The following TOR4A variants were observed in gnomAD, a reference collection of about 807,000 sequenced individuals.
TOR4A encodes the protein torsin-4A.
A neutral mutation model predicts 11.5 loss-of-function variants in TOR4A; 12 were observed. That is an observed-to-expected ratio of 1.04 (90% CI 0.67 to 1.69). TOR4A has a LOEUF of 1.69. TOR4A is among the 40% of genes most tolerant of loss of function. The pLI, the probability that TOR4A is intolerant of heterozygous loss-of-function variation, is 0.00. For synonymous variants in TOR4A, 362 were observed against 307.4 expected (o/e 1.18, Z -1.86); for missense variants, 640 against 643.2 (o/e 0.99, Z 0.05).
In TOR4A at chr9:137,279,568, C is replaced by T. The variant is rs1232916815; in HGVS notation, c.879C>T (p.Asn293=). The part of the protein sequence containing the change: ...LQPQRSHHFH[N]AIYVLLSGAG... ...CGCAGCGCTCCCACCACTTCCACAA[C>T]GCCATCTACGTGCTCCTCAGTGGCG... Residue 293 remains asparagine, a synonymous_variant, in exon 2 of 2, where the codon AAC becomes AAT. Transcript: ENST00000357503. 2 of 1,581,676 alleles carry T rather than the reference C, an allele frequency of 1.3e-6. No individual in the cohort carries two copies. The highest frequency in any genetic ancestry group is 8.6e-7 in the Non-Finnish European group (1 of 1,167,484).
rs764519206 is a variant in TOR4A, at chr9:137,279,710, C to T, written c.1021C>T (p.Arg341Cys). Reference protein sequence around the residue: ...AAAAQAEEDLRASLLAVLSRE... With the variant: ...AAAAQAEEDLCASLLAVLSRE... ...AGCGGCGCAGGCGGAAGAAGACCTG[C>T]GCGCCAGCCTGCTGGCTGTGCTGTC... is the stretch of plus-strand genomic sequence containing the variant. The change falls in exon 2 of 2, where the codon CGC becomes TGC. Residue 341 changes from arginine to cysteine, a missense_variant. Coordinates refer to ENST00000357503, the MANE Select transcript of TOR4A (RefSeq NM_017723.3). The T allele has an allele frequency of 3.8e-6, 6 of 1,573,378 alleles. No individual in the cohort carries two copies. Among genetic ancestry groups the T allele is most frequent in the Non-Finnish European group, 4.3e-6 (5 of 1,166,244 alleles).
chr9:137,279,264 T>C lies in TOR4A; in HGVS notation c.575T>C (p.Leu192Pro), dbSNP rs906170854. ...CACAGTCGTCCGCTCCTCCTGGCGC[T>C]GCACGGGCCCAGTGGCGTGGGCAAG... is the stretch of plus-strand genomic sequence containing the variant. ...HVHSRPLLLA[L>P]HGPSGVGKSH... Residue 192 changes from leucine to proline, a missense_variant, in exon 2 of 2, where the codon CTG becomes CCG. Transcript: ENST00000357503. 2.6e-6 allele frequency: 4 copies of C among 1,535,180 alleles called. No individual in the cohort carries two copies. In the African/African-American group the frequency reaches 5.5e-5, roughly 21 times the overall value.
rs1830721347 is a variant in TOR4A at position 137,281,700 on chromosome 9, G to A, written c.*1739G>A. The A allele has an allele frequency of 1.3e-5, 2 of 159,038 alleles. No individual in the cohort carries two copies. Among genetic ancestry groups the A allele is most frequent in the Admixed American group, 1.3e-4 (2 of 15,284 alleles). The allele number at this position is 159,038 out of a possible 1,614,324, so 9.9% of individuals were successfully genotyped here. On this transcript the variant is annotated 3_prime_UTR_variant, in exon 2 of 2. Transcript: ENST00000357503. ...GACTCCCGCTGCTCCTGGAGTCTTG[G>A]GGAGGGGTCCGGCTCCACGGGGTGG... is the stretch of plus-strand genomic sequence containing the variant.
rs1169082148 is a variant in TOR4A, at chr9:137,280,010, G to C, written c.*49G>C. 22 of 1,507,666 alleles carry C rather than the reference G, an allele frequency of 1.5e-5. No individual in the cohort carries two copies. The highest frequency in any genetic ancestry group is 3.5e-4 in the Middle Eastern group (2 of 5,766). 93.4% of individuals were successfully genotyped at this position (1,507,666 alleles called of 1,614,324 possible). Reference sequence around the variant, plus strand: ...GGGTTGATGGCGGCAGTAGGAGGGCGACCAGGGACCTTGTGGGCTGGTGCA... The same window carrying C: ...GGGTTGATGGCGGCAGTAGGAGGGCCACCAGGGACCTTGTGGGCTGGTGCA... On this transcript the variant is annotated 3_prime_UTR_variant, in exon 2 of 2. Coordinates refer to ENST00000357503, the MANE Select transcript of TOR4A (RefSeq NM_017723.3).
Position 137,281,103 on chromosome 9 carries a change from C to G in TOR4A, c.*1142C>G, listed in dbSNP as rs1588195983. On this transcript the variant is annotated 3_prime_UTR_variant, in exon 2 of 2. Coordinates refer to ENST00000357503, the MANE Select transcript of TOR4A (RefSeq NM_017723.3). ...CGGCTGGGCCCTGAGTCCCCCAGGC[C>G]GCCCCGATCCTCTGTCCCCGCCGCC... 1 of 161,040 alleles carries G rather than the reference C, an allele frequency of 6.2e-6. No individual in the cohort carries two copies. Among genetic ancestry groups the G allele is most frequent in the East Asian group, 1.9e-4 (1 of 5,172 alleles). 10.0% of individuals were successfully genotyped at this position (161,040 alleles called of 1,614,324 possible). A position where few individuals can be genotyped will look rare whatever the true frequency, so the allele number is the denominator to read the frequency against.
Position 137,280,274 on chromosome 9 carries a change from A to C in TOR4A, c.*313A>C. On this transcript the variant is annotated 3_prime_UTR_variant, in exon 2 of 2. Coordinates refer to ENST00000357503, the MANE Select transcript of TOR4A (RefSeq NM_017723.3). ...GTTCCCATGGTACAAGGATGATCTCAGGGCCAACAATTCCCGGGGTCACAC... is the reference window on the plus strand; with the variant it reads ...GTTCCCATGGTACAAGGATGATCTCCGGGCCAACAATTCCCGGGGTCACAC... 1.2e-5 allele frequency: 5 copies of C among 429,958 alleles called. No homozygotes were observed. The highest frequency in any genetic ancestry group is 6.3e-4 in the Middle Eastern group (1 of 1,592). The allele number at this position is 429,958 out of a possible 1,614,324, so 26.6% of individuals were successfully genotyped here.
intron 1 of TOR4A, 69 bp from the exon 2 acceptor site, chr9:137,278,584 C>G (rs1753394207): frequency 9.1e-7 from 1 of 1,099,220 alleles, no homozygotes; most frequent in Non-Finnish European, 1.1e-6. Flanking sequence ...CTCCGGGGAC[C>G]GGTTCCGGCG....
chr9:137,279,132 A>C lies in TOR4A; in HGVS notation c.443A>C (p.Tyr148Ser). The C allele has an allele frequency of 3.2e-6, 5 of 1,585,558 alleles. No individual in the cohort carries two copies. Among genetic ancestry groups the C allele is most frequent in the Non-Finnish European group, 4.3e-6 (5 of 1,166,362 alleles). Residue 148 changes from tyrosine (Y) to serine (S), a missense_variant, in exon 2 of 2, where the codon TAT becomes TCT. Coordinates refer to ENST00000357503, the MANE Select transcript of TOR4A (RefSeq NM_017723.3). ...AACCTGGACGATAACGCGCAGCGCT[A>C]TGACCTCGACGGGCTGGAGAAAGCG... The part of the protein sequence containing the change: ...IENLDDNAQR[Y>S]DLDGLEKALQ...
intron 1 of TOR4A, among the ~76,000 whole-genome samples, chr9:137,278,289 G>A (rs1047968091): frequency 7.2e-5 from 11 of 152,168 alleles, no homozygotes; most frequent in African/African-American, 2.7e-4. Context: ...AGGGTCCGGG[G>A]GTGACTGTTC....
rs144345078 is a variant in TOR4A at position 137,280,405 on chromosome 9, C to A, written c.*444C>A. 2.4e-3 allele frequency: 443 copies of A among 184,158 alleles called. 2 individuals carry two copies. The highest frequency in any genetic ancestry group is 9.8e-3 in the African/African-American group (413 of 42,126). The allele number at this position is 184,158 out of a possible 1,614,324, so 11.4% of individuals were successfully genotyped here. A position where few individuals can be genotyped will look rare whatever the true frequency, so the allele number is the denominator to read the frequency against. ...GAGATGACCCCGGAGGAGGCCACAG[C>A]CAACCATGACAGTGCTGGGGCTCTG... On this transcript the variant is annotated 3_prime_UTR_variant, in exon 2 of 2. Transcript: ENST00000357503.
Position 137,279,636 on chromosome 9 carries a change from C to G in TOR4A, c.947C>G (p.Ser316Cys), listed in dbSNP as rs758919820. The G allele has an allele frequency of 1.3e-6, 2 of 1,560,436 alleles. No individual in the cohort carries two copies. The highest frequency in any genetic ancestry group is 1.7e-6 in the Non-Finnish European group (2 of 1,158,194). ...EVTRFVLQNA[S>C]RALPLRPDGF... ...ACGCGCTTCGTGCTGCAGAACGCGT[C>G]CCGCGCGCTGCCCCTGCGCCCCGAC... is the stretch of plus-strand genomic sequence containing the variant. The change falls in exon 2 of 2, where the codon TCC becomes TGC. Residue 316 changes from serine (S) to cysteine (C), a missense_variant. Physicochemically the swap from Ser to Cys is moderately radical, Grantham distance 112. Coordinates refer to ENST00000357503, the MANE Select transcript of TOR4A (RefSeq NM_017723.3).
rs1051708107 is a variant in TOR4A, at chr9:137,280,454, C to G, written c.*493C>G. On this transcript the variant is annotated 3_prime_UTR_variant, in exon 2 of 2. Transcript: ENST00000357503. ...TGGCTGCCTTCTCCACCCACCCCAC[C>G]CCTCACTCAGGTCGTGTTTTCAGGA... is the stretch of plus-strand genomic sequence containing the variant. 5.8e-6 allele frequency: 1 copy of G among 171,448 alleles called. No individual in the cohort carries two copies. Among genetic ancestry groups the G allele is most frequent in the African/African-American group, 2.4e-5 (1 of 41,570 alleles). 10.6% of individuals were successfully genotyped at this position (171,448 alleles called of 1,614,324 possible). A position where few individuals can be genotyped will look rare whatever the true frequency, so the allele number is the denominator to read the frequency against.
Position 137,279,364 on chromosome 9 carries a change from T to G in TOR4A, c.675T>G (p.His225Gln), listed in dbSNP as rs1416239890. Residue 225 changes from histidine to glutamine, a missense_variant, in exon 2 of 2, where the codon CAT (histidine) becomes CAG (glutamine). Transcript: ENST00000357503. ...ACAGCGCGCTCGTGCTGCAATACCA[T>G]GCGCGGCACCACTGCCCCGAGGCGC... ...LEDSALVLQY[H>Q]ARHHCPEARA... The G allele has an allele frequency of 5.2e-6, 8 of 1,526,524 alleles. No homozygotes were observed. Among genetic ancestry groups the G allele is most frequent in the Non-Finnish European group, 7.0e-6 (8 of 1,139,624 alleles). The allele number at this position is 1,526,524 out of a possible 1,614,324, so 94.6% of individuals were successfully genotyped here.
At position 137,279,883 on chromosome 9, in the gene TOR4A, C is replaced by T. The variant is rs1830695240; in HGVS notation, c.1194C>T (p.Leu398=). The T allele has an allele frequency of 1.3e-6, 2 of 1,581,630 alleles. No homozygotes were observed. Among genetic ancestry groups the T allele is most frequent in the Non-Finnish European group, 1.7e-6 (2 of 1,166,952 alleles). The change falls in exon 2 of 2, where the codon CTC becomes CTT. Residue 398 remains leucine (L), a synonymous_variant. Coordinates refer to ENST00000357503, the MANE Select transcript of TOR4A (RefSeq NM_017723.3). ...GCGCGGAGAACCTGGCCGCGCAGCTCAGCTTCTACCGCGTGGCTGGCCGCG... is the reference window on the plus strand; with the variant it reads ...GCGCGGAGAACCTGGCCGCGCAGCTTAGCTTCTACCGCGTGGCTGGCCGCG... ...QARAENLAAQ[L]SFYRVAGREF...
Position 137,278,729 on chromosome 9 carries a change from G to A in TOR4A, c.40G>A (p.Ala14Thr). 1.5e-6 allele frequency: 2 copies of A among 1,374,092 alleles called. No individual in the cohort carries two copies. Among genetic ancestry groups the A allele is most frequent in the Non-Finnish European group, 9.3e-7 (1 of 1,070,226 alleles). The allele number at this position is 1,374,092 out of a possible 1,614,324, so 85.1% of individuals were successfully genotyped here. A position where few individuals can be genotyped will look rare whatever the true frequency, so the allele number is the denominator to read the frequency against. The change falls in exon 2 of 2, where the codon GCC becomes ACC. Residue 14 changes from alanine to threonine, a missense_variant. Transcript: ENST00000357503. ...GQPSLEPAAA[A>T]PRASGRCVIA... ...GCCCAGCCTGGAGCCTGCTGCCGCG[G>A]CCCCCCGAGCCTCGGGCCGGTGCGT...
At position 137,280,128 on chromosome 9, in the gene TOR4A, G is replaced by A. The variant is rs1294104943; in HGVS notation, c.*167G>A. ...CTTCCAGGTCCACACCCGCCTCAGA[G>A]TCCGGAGTCTGTCCCTGGGGGCGGC... On this transcript the variant is annotated 3_prime_UTR_variant, in exon 2 of 2. Transcript: ENST00000357503. 3.8e-6 allele frequency: 3 copies of A among 780,758 alleles called. No individual in the cohort carries two copies. The highest frequency in any genetic ancestry group is 3.9e-5 in the South Asian group (2 of 51,798). The allele number at this position is 780,758 out of a possible 1,614,324, so 48.4% of individuals were successfully genotyped here.
chr9:137,279,106 G>A lies in TOR4A; in HGVS notation c.417G>A (p.Glu139=). 2 of 1,597,170 alleles carry A rather than the reference G, an allele frequency of 1.3e-6. No homozygotes were observed. The highest frequency in any genetic ancestry group is 1.7e-6 in the Non-Finnish European group (2 of 1,172,202). Residue 139 remains glutamate, a synonymous_variant, in exon 2 of 2, where the codon GAG becomes GAA. Transcript: ENST00000357503. ...IVGFQVLNAI[E]NLDDNAQRYD... ...GCTTCCAAGTTCTCAACGCTATCGA[G>A]AACCTGGACGATAACGCGCAGCGCT...
rs928420286 is a variant in TOR4A, at chr9:137,278,855, G to A, written c.166G>A (p.Gly56Arg). 4.4e-5 allele frequency: 67 copies of A among 1,523,526 alleles called. No individual in the cohort carries two copies. The highest frequency in any genetic ancestry group is 5.6e-5 in the Non-Finnish European group (64 of 1,141,946). The allele number at this position is 1,523,526 out of a possible 1,614,324, so 94.4% of individuals were successfully genotyped here. ...QPGGGPDVGT[G>R]APRPGCSPRA... ...GGGTGGGGGGCCCGACGTCGGGACC[G>A]GGGCGCCCAGGCCGGGCTGCAGCCC... Residue 56 changes from glycine (G) to arginine (R), a missense_variant, in exon 2 of 2, where the codon GGG (glycine) becomes AGG (arginine). Physicochemically the swap from Gly to Arg is moderately radical, Grantham distance 125. Coordinates refer to ENST00000357503, the MANE Select transcript of TOR4A (RefSeq NM_017723.3).
Position 137,279,576 on chromosome 9 carries a change from A to C in TOR4A, c.887A>C (p.Tyr296Ser). 1 of 1,578,984 alleles carries C rather than the reference A, an allele frequency of 6.3e-7. No homozygotes were observed. Among genetic ancestry groups the C allele is most frequent in the Non-Finnish European group, 8.6e-7 (1 of 1,165,992 alleles). Residue 296 changes from tyrosine (Y) to serine (S), a missense_variant, in exon 2 of 2, where the codon TAC (tyrosine) becomes TCC (serine). Transcript: ENST00000357503. ...TCCCACCACTTCCACAACGCCATCT[A>C]CGTGCTCCTCAGTGGCGCGGGTGGC... Reference protein sequence around the residue: ...QRSHHFHNAIYVLLSGAGGAE... With the variant: ...QRSHHFHNAISVLLSGAGGAE...
Sources: allele counts gnomAD v4.1 joint callset (sites outside exome capture counted in the v4.1 genomes callset), GRCh38; gene constraint gnomAD v4.1.1; transcripts MANE v1.5; gene names NCBI Gene and HGNC (gene_info 2026-07-23, HGNC 2026-07-21).